SCMH1: variants seen among roughly 807,000 people sequenced by gnomAD.
SCMH1 encodes polycomb protein SCMH1.
SCMH1 carries 37 observed loss-of-function variants against 70.8 expected under a neutral mutation model. The observed-to-expected ratio is 0.52, with a 90% CI of 0.40 to 0.69. The LOEUF is 0.69. Ranked by LOEUF, SCMH1 falls within the 30% of genes least tolerant of loss-of-function variation. The pLI is 0.00. For synonymous variants in SCMH1, 292 were observed against 307.4 expected (o/e 0.95, Z 0.52); for missense variants, 607 against 827.3 (o/e 0.73, Z 3.27).
intron 8 of SCMH1, among the ~76,000 whole-genome samples, chr1:41,104,862 G>A (rs999282028): frequency 2.0e-5 from 3 of 152,300 alleles, no homozygotes; most frequent in South Asian, 2.1e-4. Context: ...TGAGAGGTGA[G>A]TGAATATGGG....
chr1:41,210,831 A>G (rs971753337), intron 1 of SCMH1, among the ~76,000 whole-genome samples: 1 of 150,368 alleles, frequency 6.7e-6, no homozygotes, highest in African/African-American at 2.4e-5. Flanking sequence ...TTTTTTTAAG[A>G]TGGAGTCTTG....
intron 10 of SCMH1, among the ~76,000 whole-genome samples, chr1:41,050,237 T>C (rs190164500): frequency 6.6e-6 from 1 of 152,276 alleles, no homozygotes; most frequent in East Asian, 1.9e-4. Context: ...TGGTCAGCAA[T>C]GACATTTTCT....
At chr1:41,142,470 A>G (rs926555191) in intron 6 of SCMH1, among the ~76,000 whole-genome samples, 1 of 152,240 alleles carries the variant, frequency 6.6e-6, no homozygotes, top group African/African-American at 2.4e-5. Context: ...TTAGTGAGAA[A>G]GGAGATAAGA....
intron 10 of SCMH1, among the ~76,000 whole-genome samples, chr1:41,068,337 C>A (rs1252582831): frequency 1.3e-5 from 2 of 151,998 alleles, no homozygotes; most frequent in African/African-American, 4.8e-5. Context: ...TCAAGAGATT[C>A]AAAAACTGAA....
At chr1:41,195,751 G>T (rs1201093156) in intron 1 of SCMH1, among the ~76,000 whole-genome samples, 1 of 152,104 alleles carries the variant, frequency 6.6e-6, no homozygotes, top group Non-Finnish European at 1.5e-5. Flanking sequence ...AAGGCATTCA[G>T]ATTTGAAAGG....
intron 6 of SCMH1, among the ~76,000 whole-genome samples, chr1:41,141,308 G>A (rs1288412528): frequency 2.0e-5 from 3 of 152,314 alleles, no homozygotes; most frequent in South Asian, 4.1e-4. Context: ...TTTATGTATT[G>A]TCAACAGCTG....
chr1:41,221,770 T>C (rs1027977685), intron 1 of SCMH1, among the ~76,000 whole-genome samples: 1 of 151,384 alleles, frequency 6.6e-6, no homozygotes, highest in African/African-American at 2.4e-5. Flanking sequence ...CAGGCACCTG[T>C]AGTCCCAGCT....
rs1364613780 is a variant in SCMH1, at chr1:41,028,567, C to G, written c.1821+17G>C. On this transcript the variant is annotated intron_variant, in intron 14 of 14. Transcript: ENST00000337495. ...TCCACACAGGTTCCTACTGAGAGGT[C>G]AGGCAGCAGCACCTACGTGTTTGCG... 1.9e-6 allele frequency: 3 copies of G among 1,614,004 alleles called. No individual in the cohort carries two copies. Among genetic ancestry groups the G allele is most frequent in the Non-Finnish European group, 2.5e-6 (3 of 1,179,948 alleles).
chr1:41,121,232 T>C (rs558743598), intron 6 of SCMH1, among the ~76,000 whole-genome samples: 1 of 152,354 alleles, frequency 6.6e-6, no homozygotes, highest in Non-Finnish European at 1.5e-5. Context: ...CATTGGCTAT[T>C]ATTTTTGTAA....
At chr1:41,222,152 G>A in intron 1 of SCMH1, among the ~76,000 whole-genome samples, 1 of 151,470 alleles carries the variant, frequency 6.6e-6, no homozygotes, top group East Asian at 1.9e-4. Flanking sequence ...CAGAAAGTGA[G>A]GGAAGGGAAG....
At chr1:41,084,439 A>C (rs1660971096) in intron 8 of SCMH1, among the ~76,000 whole-genome samples, 3 of 152,214 alleles carry the variant, frequency 2.0e-5, no homozygotes, top group African/African-American at 7.2e-5. Flanking sequence ...ACCATCTCAC[A>C]CCAGTTAGAA....
rs1572825502 is a variant in SCMH1 at position 41,173,111 on chromosome 1, T to C, written c.14-11679A>G. Reference sequence around the variant, plus strand: ...TAGACATCACGAGATTATATCAAACTAAAAAGCTTCTGCACAGCAAAGGAA... The same window carrying C: ...TAGACATCACGAGATTATATCAAACCAAAAAGCTTCTGCACAGCAAAGGAA... On this transcript the variant is annotated intron_variant, in intron 2 of 14. Transcript: ENST00000337495. 3.9e-5 allele frequency among the ~76,000 whole-genome samples: 6 copies of C among 152,028 alleles called. No individual in the cohort carries two copies. In the South Asian group the frequency reaches 1.2e-3, roughly 32 times the overall value.
chr1:41,038,213 A>G (rs919049211), intron 12 of SCMH1: 3 of 152,262 alleles, frequency 2.0e-5, no homozygotes, highest in Non-Finnish European at 2.9e-5. Context: ...GAATATCACA[A>G]AAGAATGGCT....
chr1:41,107,866 T>C (rs1668386394), intron 8 of SCMH1, among the ~76,000 whole-genome samples: 1 of 152,196 alleles, frequency 6.6e-6, no homozygotes, highest in African/African-American at 2.4e-5. Flanking sequence ...CCCAAAGTGA[T>C]TGTGGCATAA....
At chr1:41,033,988 G>A in intron 13 of SCMH1, 1 of 1,614,090 alleles carries the variant, frequency 6.2e-7, no homozygotes, top group Non-Finnish European at 8.5e-7. Context: ...CATACCTGGG[G>A]AACGATTTAG....
rs1435273183 is a variant in SCMH1 at position 41,082,742 on chromosome 1, C to T, written c.746-7291G>A. On this transcript the variant is annotated intron_variant, in intron 8 of 14. Coordinates refer to ENST00000337495, the Ensembl canonical transcript of SCMH1. ...AATCCTCAATAAAATACTGGCAAAC[C>T]GAATCCAGCAGCACATCAAAAAGCT... is the stretch of plus-strand genomic sequence containing the variant. Among the ~76,000 whole-genome samples the T allele has an allele frequency of 4.6e-5, 7 of 152,144 alleles. No individual in the cohort carries two copies. In the South Asian group the frequency reaches 1.0e-3, roughly 23 times the overall value.
chr1:41,239,173 C>A (rs1011424775), intron 1 of SCMH1, among the ~76,000 whole-genome samples: 1 of 152,184 alleles, frequency 6.6e-6, no homozygotes, highest in Non-Finnish European at 1.5e-5. Flanking sequence ...AGGTCCACCA[C>A]GACATGGCCT....
intron 6 of SCMH1, among the ~76,000 whole-genome samples, chr1:41,120,703 AT>A (rs1284811069): frequency 6.6e-6 from 1 of 152,202 alleles, no homozygotes; most frequent in East Asian, 1.9e-4. Flanking sequence ...TAATTTTAAC[AT>A]TGAAAGGGAC....
intron 1 of SCMH1, among the ~76,000 whole-genome samples, chr1:41,207,505 T>C (rs1655840853): frequency 1.3e-5 from 2 of 152,188 alleles, no homozygotes; most frequent in African/African-American, 2.4e-5. Context: ...CCTAAATATA[T>C]ATGTATCCAA....
Sources: allele counts gnomAD v4.1 joint callset (sites outside exome capture counted in the v4.1 genomes callset), GRCh38; gene constraint gnomAD v4.1.1; transcripts MANE v1.5; gene names NCBI Gene and HGNC (gene_info 2026-07-23, HGNC 2026-07-21).